The following SRL variants were observed in gnomAD, a reference collection of about 807,000 sequenced individuals.
SRL encodes sarcalumenin.
A neutral mutation model predicts 39.5 loss-of-function variants in SRL; 23 were observed. That is an observed-to-expected ratio of 0.58 (90% CI 0.42 to 0.82). SRL has a LOEUF of 0.82. Among genes scored for constraint, SRL ranks in the 40% least tolerant of loss-of-function variants. The pLI is 0.00. For missense variants in SRL, 592 were observed against 607.8 expected (o/e 0.97, Z 0.27); for synonymous variants, 272 against 237.4 (o/e 1.15, Z -1.34).
intron 1 of SRL, among the ~76,000 whole-genome samples, chr16:4,235,654 T>C (rs2052706623): frequency 6.6e-6 from 1 of 152,082 alleles, no homozygotes; most frequent in Non-Finnish European, 1.5e-5. Context: ...TGAGCTATGA[T>C]TGCACCACTG....
intron 1 of SRL, chr16:4,208,251 A>G: frequency 2.8e-6 from 1 of 354,818 alleles, no homozygotes; most frequent in East Asian, 7.6e-5. Context: ...GGTCTTCAGG[A>G]CTACCTCGTG....
At chr16:4,199,883 G>C (rs1423430239) in intron 3 of SRL, among the ~76,000 whole-genome samples, 6 of 151,892 alleles carry the variant, frequency 4.0e-5, no homozygotes, top group Non-Finnish European at 5.9e-5. Context: ...TTTTAGTAGA[G>C]ATGGGGTTTT....
intron 4 of SRL, 144 bp from the exon 5 acceptor site, chr16:4,195,930 A>C: frequency 1.5e-6 from 1 of 675,622 alleles, no homozygotes; most frequent in South Asian, 2.0e-5. Flanking sequence ...GCTTTCTTTT[A>C]ATTGTGGTAA....
chr16:4,220,849 C>T (rs118189216), intron 1 of SRL, among the ~76,000 whole-genome samples: 1,799 of 151,416 alleles, frequency 0.012, 14 homozygotes, highest in Non-Finnish European at 0.019. Context: ...AGCTGGGCCT[C>T]GCGGTATGCT....
intron 1 of SRL, among the ~76,000 whole-genome samples, chr16:4,240,156 C>A (rs1316037573): frequency 6.6e-6 from 1 of 152,188 alleles, no homozygotes; most frequent in East Asian, 1.9e-4. Flanking sequence ...GAGTGGTGAG[C>A]GAGAATATCT....
intron 1 of SRL, among the ~76,000 whole-genome samples, chr16:4,218,275 CA>C (rs1161749682): frequency 1.3e-5 from 2 of 152,150 alleles, no homozygotes; most frequent in African/African-American, 4.8e-5. Context: ...TAAACAGACC[CA>C]TTCTAAGGGC....
chr16:4,229,890 G>C (rs1478816870), intron 1 of SRL, among the ~76,000 whole-genome samples: 3 of 152,130 alleles, frequency 2.0e-5, no homozygotes, highest in Non-Finnish European at 4.4e-5. Flanking sequence ...CCAAGACTTT[G>C]AGGGGACTGC....
chr16:4,205,047 G>A (rs932494403), intron 1 of SRL, among the ~76,000 whole-genome samples: 2 of 151,878 alleles, frequency 1.3e-5, no homozygotes, highest in African/African-American at 4.9e-5. Flanking sequence ...CTAGGGCCGA[G>A]TGCAGTGGCT....
chr16:4,193,799 T>G (rs1031431726), intron 5 of SRL, among the ~76,000 whole-genome samples: 2 of 151,894 alleles, frequency 1.3e-5, no homozygotes, highest in African/African-American at 4.8e-5. Flanking sequence ...TTAAAAACAT[T>G]GAAATCTTTT....
chr16:4,210,640 G>A (rs374197268), intron 1 of SRL, among the ~76,000 whole-genome samples: 1 of 151,908 alleles, frequency 6.6e-6, no homozygotes, highest in East Asian at 1.9e-4. Context: ...ACAGGCGCAT[G>A]CTAAGTTAAT....
intron 1 of SRL, among the ~76,000 whole-genome samples, chr16:4,230,224 C>T (rs1383453601): frequency 1.3e-5 from 2 of 152,088 alleles, no homozygotes; most frequent in African/African-American, 4.8e-5. Context: ...CTGCAGAGCT[C>T]CAGATCAGCC....
At chr16:4,207,211 T>G in intron 1 of SRL, 2 of 457,076 alleles carry the variant, frequency 4.4e-6, no homozygotes, top group Non-Finnish European at 8.8e-6. Context: ...TCTTCCTCGC[T>G]TCCACTTCCA....
At chr16:4,210,892 G>A (rs1196679386) in intron 1 of SRL, among the ~76,000 whole-genome samples, 1 of 152,166 alleles carries the variant, frequency 6.6e-6, no homozygotes, top group Non-Finnish European at 1.5e-5. Context: ...CAGAGCCACA[G>A]TATCCCCCGG....
At chr16:4,232,107 G>A (rs1452480745) in intron 1 of SRL, among the ~76,000 whole-genome samples, 1 of 152,176 alleles carries the variant, frequency 6.6e-6, no homozygotes, top group Non-Finnish European at 1.5e-5. Flanking sequence ...TGTAGACAGC[G>A]CCAAGCAAGG....
chr16:4,220,241 C>T (rs2052507184), intron 1 of SRL, among the ~76,000 whole-genome samples: 1 of 150,690 alleles, frequency 6.6e-6, no homozygotes, highest in Non-Finnish European at 1.5e-5. Flanking sequence ...AGTTTGAGAC[C>T]AGCCTGGCCA....
chr16:4,200,742 C>T (rs920859401), intron 3 of SRL, among the ~76,000 whole-genome samples: 1 of 152,226 alleles, frequency 6.6e-6, no homozygotes, highest in South Asian at 2.1e-4. Context: ...AAAAATAGTA[C>T]AGGTAGCTGT....
chr16:4,228,966 G>C (rs753933563), intron 1 of SRL, among the ~76,000 whole-genome samples: 3 of 152,108 alleles, frequency 2.0e-5, no homozygotes, highest in Non-Finnish European at 4.4e-5. Context: ...CTTCTAGAGA[G>C]GGAGAGGTCA....
chr16:4,212,869 C>CCTTCTCT (rs1406854963), intron 1 of SRL, among the ~76,000 whole-genome samples: 5 of 152,184 alleles, frequency 3.3e-5, no homozygotes, highest in Non-Finnish European at 5.9e-5. Context: ...CAGGCTCAGT[C>CCTTCTCT]CCTCTCTCCT....
chr16:4,233,190 G>A (rs1000683539), intron 1 of SRL, among the ~76,000 whole-genome samples: 3 of 152,148 alleles, frequency 2.0e-5, no homozygotes, highest in Non-Finnish European at 4.4e-5. Flanking sequence ...ACTCATCAGG[G>A]TGGCCTAATC....
Sources: allele counts gnomAD v4.1 joint callset (sites outside exome capture counted in the v4.1 genomes callset), GRCh38; gene constraint gnomAD v4.1.1; transcripts MANE v1.5; gene names NCBI Gene and HGNC (gene_info 2026-07-23, HGNC 2026-07-21).